The following TOX variants were observed in gnomAD, a reference collection of about 807,000 sequenced individuals.
TOX encodes the protein thymocyte selection-associated high mobility group box protein TOX.
A neutral mutation model predicts 53.7 loss-of-function variants in TOX; 11 were observed. The ratio of observed to expected loss-of-function variants is 0.20; its 90% CI spans 0.13 to 0.34. The LOEUF is 0.34. Among genes scored for constraint, TOX ranks in the 10% least tolerant of loss-of-function variants. The pLI, the probability that TOX is intolerant of heterozygous loss-of-function variation, is 1.00. For missense variants in TOX, 570 were observed against 664.6 expected (o/e 0.86, Z 1.56); for synonymous variants, 225 against 245.3 (o/e 0.92, Z 0.77).
chr8:59,058,644 T>C (rs928958150), intron 1 of TOX, among the ~76,000 whole-genome samples: 3 of 152,142 alleles, frequency 2.0e-5, no homozygotes, highest in African/African-American at 7.2e-5. Flanking sequence ...TGTTCATCCT[T>C]AAATACGTTA....
intron 1 of TOX, among the ~76,000 whole-genome samples, chr8:59,014,936 T>G (rs1032533122): frequency 1.3e-5 from 2 of 152,218 alleles, no homozygotes; most frequent in East Asian, 3.8e-4. Context: ...CAATTCAAAT[T>G]TAATGAATGC....
At chr8:58,921,624 A>G (rs1442925591) in intron 3 of TOX, among the ~76,000 whole-genome samples, 1 of 152,206 alleles carries the variant, frequency 6.6e-6, no homozygotes, top group Non-Finnish European at 1.5e-5. Context: ...AGAGGCAGAA[A>G]TAAGAAAGAA....
At chr8:59,065,950 GA>G (rs1804085773) in intron 1 of TOX, among the ~76,000 whole-genome samples, 1 of 152,178 alleles carries the variant, frequency 6.6e-6, no homozygotes, top group Admixed American at 6.5e-5. Flanking sequence ...GTTTGATTGA[GA>G]GCAAAACAAC....
intron 1 of TOX, among the ~76,000 whole-genome samples, chr8:59,072,471 G>A (rs1804214001): frequency 6.6e-6 from 1 of 152,174 alleles, no homozygotes; most frequent in Non-Finnish European, 1.5e-5. Flanking sequence ...TGAGGAAACT[G>A]CCTGATGCAC....
At chr8:59,065,616 A>C (rs1440524239) in intron 1 of TOX, among the ~76,000 whole-genome samples, 2 of 152,184 alleles carry the variant, frequency 1.3e-5, no homozygotes, top group Non-Finnish European at 2.9e-5. Flanking sequence ...CCTTGTTCTG[A>C]ATCATTTAGC....
At chr8:58,842,373 C>G (rs1810660170) in intron 4 of TOX, among the ~76,000 whole-genome samples, 1 of 152,158 alleles carries the variant, frequency 6.6e-6, no homozygotes, top group Non-Finnish European at 1.5e-5. Context: ...TACATGTGCT[C>G]TTTGTCCTTC....
At chr8:59,044,074 T>C (rs1338395055) in intron 1 of TOX, among the ~76,000 whole-genome samples, 2 of 152,190 alleles carry the variant, frequency 1.3e-5, no homozygotes, top group East Asian at 3.9e-4. Context: ...GAGCCAGCTC[T>C]GGTGTAACAC....
chr8:58,955,732 C>CTTTT (rs35575258), intron 2 of TOX, among the ~76,000 whole-genome samples: 15 of 130,402 alleles, frequency 1.2e-4, no homozygotes, highest in African/African-American at 2.0e-4. Context: ...GAAAAGGACA[C>CTTTT]TTTTTTTTTT....
At chr8:58,823,752 CAT>C (rs1188392552) in intron 6 of TOX, among the ~76,000 whole-genome samples, 2 of 152,178 alleles carry the variant, frequency 1.3e-5, no homozygotes, top group African/African-American at 4.8e-5. Flanking sequence ...CAGTGTCCGA[CAT>C]AGAACAAGTG....
intron 1 of TOX, among the ~76,000 whole-genome samples, chr8:58,961,054 T>C (rs1240730065): frequency 6.6e-6 from 1 of 152,220 alleles, no homozygotes; most frequent in African/African-American, 2.4e-5. Context: ...GTGCAAACCA[T>C]GGTATTATGG....
chr8:59,016,270 T>C (rs939537466), intron 1 of TOX, among the ~76,000 whole-genome samples: 1 of 152,168 alleles, frequency 6.6e-6, no homozygotes, highest in African/African-American at 2.4e-5. Context: ...TATTTTTTAA[T>C]AACCAGGACA....
intron 1 of TOX, among the ~76,000 whole-genome samples, chr8:59,102,227 G>GTGTTTGTTTGTT (rs541711837): frequency 1.3e-5 from 2 of 152,062 alleles, no homozygotes; most frequent in African/African-American, 4.8e-5. Context: ...CTCCCGTTTT[G>GTGTTTGTTTGTT]TGTTTGTTTG....
At chr8:58,870,013 A>G (rs1811171415) in intron 3 of TOX, among the ~76,000 whole-genome samples, 1 of 152,166 alleles carries the variant, frequency 6.6e-6, no homozygotes, top group African/African-American at 2.4e-5. Flanking sequence ...AAGATCAGAA[A>G]CAAATCAAGG....
intron 1 of TOX, among the ~76,000 whole-genome samples, chr8:59,040,705 A>G (rs559645207): frequency 5.3e-5 from 8 of 152,210 alleles, no homozygotes; most frequent in Middle Eastern, 3.2e-3. Flanking sequence ...CGACCAAAGC[A>G]CACTTTGACT....
intron 1 of TOX, among the ~76,000 whole-genome samples, chr8:59,101,149 A>G (rs1224662329): frequency 6.6e-6 from 1 of 152,236 alleles, no homozygotes; most frequent in Non-Finnish European, 1.5e-5. Context: ...TCAGAGCTCA[A>G]TAGTAATAGT....
At chr8:59,022,878 G>A (rs1047974762) in intron 1 of TOX, among the ~76,000 whole-genome samples, 1 of 152,132 alleles carries the variant, frequency 6.6e-6, no homozygotes, top group Admixed American at 6.5e-5. Context: ...CTTGAAGGAT[G>A]ACAGCAAAAC....
At chr8:58,838,044 G>A in intron 5 of TOX, 37 bp downstream of exon 5, 1 of 1,597,118 alleles carries the variant, frequency 6.3e-7, no homozygotes, top group Non-Finnish European at 8.6e-7. Flanking sequence ...CACAATCTCA[G>A]CTTATGTAGA....
At chr8:59,094,139 T>A (rs544972256) in intron 1 of TOX, among the ~76,000 whole-genome samples, 1 of 152,302 alleles carries the variant, frequency 6.6e-6, no homozygotes, top group South Asian at 2.1e-4. Flanking sequence ...AGTATCAGTA[T>A]CTTTAATAAG....
At chr8:58,825,014 T>C (rs1810343120) in intron 6 of TOX, among the ~76,000 whole-genome samples, 1 of 152,202 alleles carries the variant, frequency 6.6e-6, no homozygotes, top group Non-Finnish European at 1.5e-5. Flanking sequence ...AAAATTATAA[T>C]GTAGAAAAAA....
Sources: allele counts gnomAD v4.1 joint callset (sites outside exome capture counted in the v4.1 genomes callset), GRCh38; gene constraint gnomAD v4.1.1; transcripts MANE v1.5; gene names NCBI Gene and HGNC (gene_info 2026-07-23, HGNC 2026-07-21).